The following KCNIP4 variants were observed in gnomAD, a reference collection of about 807,000 sequenced individuals.
KCNIP4 encodes Kv channel-interacting protein 4.
Under a neutral mutation model 34.0 loss-of-function variants are expected in KCNIP4, and 12 were observed. That is an observed-to-expected ratio of 0.35 (90% CI 0.23 to 0.57). The LOEUF is 0.57. Ranked by LOEUF, KCNIP4 falls within the 20% of genes least tolerant of loss-of-function variation. KCNIP4 has a pLI of 0.83. For synonymous variants in KCNIP4, 124 were observed against 102.2 expected, an observed-to-expected ratio of 1.21 and a Z score of -1.29; for missense variants, 238 against 311.7, an observed-to-expected ratio of 0.76 and a Z score of 1.78.
intron 1 of KCNIP4, among the ~76,000 whole-genome samples, chr4:20,944,185 C>T (rs1224007643): frequency 5.3e-5 from 8 of 152,300 alleles, no homozygotes; most frequent in South Asian, 2.1e-4. Flanking sequence ...CTCAACCCCA[C>T]GTTGATCATG....
chr4:21,005,263 G>A (rs1738459097), intron 1 of KCNIP4, among the ~76,000 whole-genome samples: 1 of 152,162 alleles, frequency 6.6e-6, no homozygotes, highest in Admixed American at 6.5e-5. Context: ...GTCACATGGA[G>A]TGGCTCAGTA....
intron 1 of KCNIP4, among the ~76,000 whole-genome samples, chr4:21,728,403 AC>A (rs1171169485): frequency 6.6e-6 from 1 of 152,096 alleles, no homozygotes; most frequent in Non-Finnish European, 1.5e-5. Flanking sequence ...AGTACTTCCC[AC>A]CACTGCCACC....
intron 1 of KCNIP4, among the ~76,000 whole-genome samples, chr4:21,724,769 T>C (rs912105643): frequency 2.0e-5 from 3 of 152,108 alleles, no homozygotes; most frequent in Non-Finnish European, 4.4e-5. Flanking sequence ...TGATGGAGAC[T>C]GAAAGGTTCC....
chr4:21,040,023 C>T (rs888939600), intron 1 of KCNIP4, among the ~76,000 whole-genome samples: 15 of 152,026 alleles, frequency 9.9e-5, no homozygotes, highest in African/African-American at 2.4e-4. Context: ...TGAGAGAGTG[C>T]GTGTGTGAAG....
chr4:21,249,359 A>G (rs1415197229), intron 1 of KCNIP4, among the ~76,000 whole-genome samples: 1 of 152,062 alleles, frequency 6.6e-6, no homozygotes, highest in Admixed American at 6.6e-5. Flanking sequence ...TGCATTAGTG[A>G]TGGTGTTGGA....
At chr4:21,326,193 G>A (rs1715016708) in intron 1 of KCNIP4, among the ~76,000 whole-genome samples, 3 of 151,636 alleles carry the variant, frequency 2.0e-5, no homozygotes, top group Non-Finnish European at 4.4e-5. Flanking sequence ...GAGTGTTGAA[G>A]TCTCCAGCTA....
chr4:21,208,607 T>C (rs565074656), intron 1 of KCNIP4, among the ~76,000 whole-genome samples: 2 of 152,264 alleles, frequency 1.3e-5, no homozygotes, highest in Admixed American at 6.5e-5. Context: ...GGTCTTTTTT[T>C]CCCCTTCTGC....
intron 1 of KCNIP4, among the ~76,000 whole-genome samples, chr4:21,747,759 C>A (rs768646441): frequency 1.2e-4 from 19 of 152,078 alleles, no homozygotes; most frequent in Non-Finnish European, 1.9e-4. Context: ...CTCACCAAAA[C>A]TCACACCCAC....
chr4:21,723,273 A>G (rs1223087105), intron 1 of KCNIP4, among the ~76,000 whole-genome samples: 10 of 152,122 alleles, frequency 6.6e-5, no homozygotes, highest in Admixed American at 6.6e-4. Context: ...AAATTTGAAG[A>G]CCCTCCTTTG....
chr4:21,140,331 C>T (rs991286421), intron 1 of KCNIP4, among the ~76,000 whole-genome samples: 13 of 152,058 alleles, frequency 8.5e-5, no homozygotes, highest in African/African-American at 3.1e-4. Flanking sequence ...TTATATCATT[C>T]ATGTAAACTT....
chr4:21,224,293 C>T (rs1022422813), intron 1 of KCNIP4, among the ~76,000 whole-genome samples: 1 of 152,108 alleles, frequency 6.6e-6, no homozygotes, highest in South Asian at 2.1e-4. Context: ...GGGCCTGCTT[C>T]CTGTCTTGTA....
intron 1 of KCNIP4, among the ~76,000 whole-genome samples, chr4:21,692,142 T>A (rs959911651): frequency 6.6e-6 from 1 of 152,198 alleles, no homozygotes; most frequent in Non-Finnish European, 1.5e-5. Context: ...TACTTTAAAG[T>A]TATGACAATG....
chr4:21,292,444 T>C (rs1763584404), intron 1 of KCNIP4, among the ~76,000 whole-genome samples: 1 of 152,164 alleles, frequency 6.6e-6, no homozygotes, highest in Non-Finnish European at 1.5e-5. Context: ...GTCTTTCCCT[T>C]CTCTTTGAAC....
At chr4:21,702,174 C>T (rs1052482942) in intron 1 of KCNIP4, among the ~76,000 whole-genome samples, 7 of 152,074 alleles carry the variant, frequency 4.6e-5, no homozygotes, top group Non-Finnish European at 8.8e-5. Context: ...AGTCCAAGAT[C>T]GAGGTGCCAG....
At chr4:21,128,962 C>T (rs1038565551) in intron 1 of KCNIP4, among the ~76,000 whole-genome samples, 1 of 152,110 alleles carries the variant, frequency 6.6e-6, no homozygotes, top group African/African-American at 2.4e-5. Flanking sequence ...ATAGGCTTGA[C>T]GGACAGATTA....
chr4:21,863,470 A>G (rs1363686487), intron 1 of KCNIP4, among the ~76,000 whole-genome samples: 2 of 151,164 alleles, frequency 1.3e-5, no homozygotes, highest in South Asian at 2.1e-4. Flanking sequence ...GGCTTCATTA[A>G]CCGAGTAAGG....
At chr4:21,509,600 A>G (rs1734133408) in intron 1 of KCNIP4, among the ~76,000 whole-genome samples, 1 of 152,132 alleles carries the variant, frequency 6.6e-6, no homozygotes, top group African/African-American at 2.4e-5. Context: ...GAGGAAAGTG[A>G]GCCATTATCC....
intron 1 of KCNIP4, among the ~76,000 whole-genome samples, chr4:21,355,787 C>T (rs1461670693): frequency 2.6e-5 from 4 of 152,130 alleles, no homozygotes; most frequent in African/African-American, 9.7e-5. Flanking sequence ...AAGAAATCTT[C>T]CCTAACTCAT....
In KCNIP4 at chr4:20,729,469, A is replaced by ATTTTTAAATGTTT. The variant is rs1553881552; in HGVS notation, c.*612_*613insAAACATTTAAAAA. The stretch of plus-strand genomic sequence containing the variant: ...AGGCATATGCTGATATCTGATAATA[A>ATTTTTAAATGTTT]ACTAATTTTTAAATGTTTAATAATT... On this transcript the variant is annotated 3_prime_UTR_variant, in exon 9 of 9. Coordinates refer to ENST00000382152, the MANE Select transcript of KCNIP4 (RefSeq NM_025221.6). 8,793 of 129,886 alleles carry ATTTTTAAATGTTT rather than the reference A, an allele frequency of 0.068. 299 individuals carry two copies. The highest frequency in any genetic ancestry group is 0.11 in the Admixed American group (1,417 of 13,268). 8.0% of individuals were successfully genotyped at this position (129,886 alleles called of 1,614,324 possible). A position where few individuals can be genotyped will look rare whatever the true frequency, so the allele number is the denominator to read the frequency against.
Sources: allele counts gnomAD v4.1 joint callset (sites outside exome capture counted in the v4.1 genomes callset), GRCh38; gene constraint gnomAD v4.1.1; transcripts MANE v1.5; gene names NCBI Gene and HGNC (gene_info 2026-07-23, HGNC 2026-07-21).